IL1RAPL1: variants seen among roughly 807,000 people sequenced by gnomAD.
IL1RAPL1 encodes interleukin-1 receptor accessory protein-like 1.
A neutral mutation model predicts 48.4 loss-of-function variants in IL1RAPL1; 3 were observed. That is an observed-to-expected ratio of 0.06 (90% CI 0.03 to 0.16). The LOEUF is 0.16. IL1RAPL1 is among the 10% of genes least tolerant of loss of function. IL1RAPL1 has a pLI of 1.00. For missense variants in IL1RAPL1, 349 were observed against 530.6 expected, an observed-to-expected ratio of 0.66 and a Z score of 3.36; for synonymous variants, 185 against 187.7, an observed-to-expected ratio of 0.99 and a Z score of 0.12.
intron 5 of IL1RAPL1, among the ~76,000 whole-genome samples, chrX:29,623,735 G>T (rs1924535938): frequency 1.8e-5 from 2 of 112,085 alleles, no homozygotes; most frequent in Admixed American, 1.9e-4. Context: ...GCAAACACCT[G>T]GTTTGCTAGA....
At chrX:29,832,444 G>C (rs1930900969) in intron 6 of IL1RAPL1, among the ~76,000 whole-genome samples, 2 of 111,489 alleles carry the variant, frequency 1.8e-5, no homozygotes, top group South Asian at 7.5e-4. Flanking sequence ...TCGGGAATTA[G>C]AGGCAGAAAA....
At chrX:29,218,628 T>C (rs1930920757) in intron 2 of IL1RAPL1, among the ~76,000 whole-genome samples, 1 of 111,872 alleles carries the variant, frequency 8.9e-6, no homozygotes, top group South Asian at 3.7e-4. Flanking sequence ...AAAATACTGA[T>C]GACAAGAAGT....
At chrX:29,273,325 T>C (rs916537897) in intron 2 of IL1RAPL1, among the ~76,000 whole-genome samples, 2 of 111,530 alleles carry the variant, frequency 1.8e-5, no homozygotes, top group Non-Finnish European at 3.8e-5. Flanking sequence ...TTATCTTCTG[T>C]GATGCCAGTG....
chrX:29,633,527 A>G (rs1055213121), intron 5 of IL1RAPL1, among the ~76,000 whole-genome samples: 1 of 110,500 alleles, frequency 9.0e-6, no homozygotes, highest in Non-Finnish European at 1.9e-5. Context: ...TTGAACTCAA[A>G]TATTTAATTT....
At chrX:29,862,350 C>T (rs1931605246) in intron 6 of IL1RAPL1, among the ~76,000 whole-genome samples, 1 of 111,404 alleles carries the variant, frequency 9.0e-6, no homozygotes, top group African/African-American at 3.3e-5. Flanking sequence ...CACTTATTCT[C>T]ATTCTGAAAG....
chrX:29,411,701 A>G (rs1364265103), intron 5 of IL1RAPL1, among the ~76,000 whole-genome samples: 1 of 77,418 alleles, frequency 1.3e-5, no homozygotes, highest in Non-Finnish European at 2.5e-5. Context: ...TAAAGAAACA[A>G]CTACTTTTTT....
At chrX:29,302,576 G>C (rs1379151937) in intron 3 of IL1RAPL1, among the ~76,000 whole-genome samples, 1 of 111,943 alleles carries the variant, frequency 8.9e-6, no homozygotes. Flanking sequence ...CCATGACTTG[G>C]GTCATTTTTA....
At chrX:28,617,930 A>G (rs1934241041) in intron 1 of IL1RAPL1, among the ~76,000 whole-genome samples, 1 of 111,177 alleles carries the variant, frequency 9.0e-6, no homozygotes, top group South Asian at 3.8e-4. Flanking sequence ...TATCACTAAC[A>G]TTTTTTCTTA....
At chrX:29,319,248 G>C (rs1022445358) in intron 3 of IL1RAPL1, among the ~76,000 whole-genome samples, 1 of 108,143 alleles carries the variant, frequency 9.2e-6, no homozygotes, top group South Asian at 4.0e-4. Context: ...CTGGAGCGCA[G>C]TGGGGTGATC....
At chrX:29,575,436 G>A (rs5927801) in intron 5 of IL1RAPL1, among the ~76,000 whole-genome samples, 43,426 of 109,371 alleles carry the variant, frequency 0.4, 6,312 homozygotes, top group South Asian at 0.54. Context: ...AATCACTGGT[G>A]TATGTCCAAG....
At chrX:28,783,123 G>A (rs1203708449) in intron 1 of IL1RAPL1, among the ~76,000 whole-genome samples, 4 of 111,298 alleles carry the variant, frequency 3.6e-5, no homozygotes, top group Admixed American at 9.6e-5. Flanking sequence ...CACCCAGTAG[G>A]TGTGCCAATT....
chrX:29,954,607 T>C lies in IL1RAPL1; in HGVS notation c.1287T>C (p.Phe429=). 1 of 1,202,797 alleles carries C rather than the reference T, an allele frequency of 8.3e-7. No individual in the cohort carries two copies. The stretch of plus-strand genomic sequence containing the variant: ...AAGAGACTGGGGAAGAAGAACGTTT[T>C]GCCCTTGAAATCCTACCTGATATGC... ...WNQETGEEER[F]ALEILPDMLE... The change falls in exon 10 of 11, where the codon TTT becomes TTC. Residue 429 remains phenylalanine (F), a synonymous_variant. Transcript: ENST00000378993.
At chrX:29,876,246 T>A (rs1316819253) in intron 6 of IL1RAPL1, among the ~76,000 whole-genome samples, 1 of 111,630 alleles carries the variant, frequency 9.0e-6, no homozygotes, top group African/African-American at 3.3e-5. Flanking sequence ...ATATGCTTTA[T>A]CAAACAGCAG....
intron 2 of IL1RAPL1, among the ~76,000 whole-genome samples, chrX:29,259,341 T>C (rs777342229): frequency 8.9e-6 from 1 of 111,867 alleles, no homozygotes; most frequent in Non-Finnish European, 1.9e-5. Context: ...GCATTAAAAT[T>C]CTCCATAACT....
At chrX:29,346,670 G>A (rs1470833770) in intron 3 of IL1RAPL1, among the ~76,000 whole-genome samples, 2 of 112,230 alleles carry the variant, frequency 1.8e-5, no homozygotes, top group Non-Finnish European at 3.8e-5. Context: ...ATTTCCACGA[G>A]GAAAGGAGTT....
intron 2 of IL1RAPL1, among the ~76,000 whole-genome samples, chrX:29,141,210 TTA>T (rs755523966): frequency 3.3e-4 from 35 of 106,965 alleles, no homozygotes; most frequent in Non-Finnish European, 3.7e-4. Context: ...TATTATGAGA[TTA>T]TATATATATA....
At chrX:28,668,334 C>G (rs1463213189) in intron 1 of IL1RAPL1, among the ~76,000 whole-genome samples, 1 of 111,670 alleles carries the variant, frequency 9.0e-6, no homozygotes, top group Non-Finnish European at 1.9e-5. Flanking sequence ...TGTCGGCTCT[C>G]TGCAACCTCT....
chrX:29,704,262 A>G (rs1342370586), intron 6 of IL1RAPL1, among the ~76,000 whole-genome samples: 4 of 111,585 alleles, frequency 3.6e-5, no homozygotes, highest in African/African-American at 1.3e-4. Context: ...GATATCTTAA[A>G]AGAAGTTTCC....
chrX:29,845,044 C>T (rs768322692), intron 6 of IL1RAPL1, among the ~76,000 whole-genome samples: 1 of 111,918 alleles, frequency 8.9e-6, no homozygotes, highest in Admixed American at 9.5e-5. Flanking sequence ...TTTCTCTGAG[C>T]CTCCAGAAGT....
Sources: allele counts gnomAD v4.1 joint callset (sites outside exome capture counted in the v4.1 genomes callset), GRCh38; gene constraint gnomAD v4.1.1; transcripts MANE v1.5; gene names NCBI Gene and HGNC (gene_info 2026-07-23, HGNC 2026-07-21).